The following NCAPH2 variants were observed in gnomAD, a reference collection of about 807,000 sequenced individuals.
The protein encoded by NCAPH2 is condensin-2 complex subunit H2.
Under a neutral mutation model 88.6 loss-of-function variants are expected in NCAPH2, and 56 were observed. The observed-to-expected ratio is 0.63, with a 90% CI of 0.51 to 0.79. NCAPH2 has a LOEUF of 0.79. NCAPH2 is among the 30% of genes least tolerant of loss of function. NCAPH2 has a pLI of 0.00. For missense variants in NCAPH2, 794 were observed against 792.0 expected, an observed-to-expected ratio of 1.00 and a Z score of -0.03; for synonymous variants, 378 against 313.6, an observed-to-expected ratio of 1.21 and a Z score of -2.17.
At chr22:50,519,372 G>T in intron 9 of NCAPH2, 52 bp downstream of exon 9, 1 of 1,602,914 alleles carries the variant, frequency 6.2e-7, no homozygotes, top group Non-Finnish European at 8.5e-7. Flanking sequence ...TGGCAACCCT[G>T]GCTCTGGGGC....
chr22:50,517,754 A>G lies in NCAPH2; in HGVS notation c.365A>G (p.Asp122Gly). 1.2e-6 allele frequency: 2 copies of G among 1,613,970 alleles called. No individual in the cohort carries two copies. Among genetic ancestry groups the G allele is most frequent in the Non-Finnish European group, 1.7e-6 (2 of 1,180,032 alleles). The part of the protein sequence containing the change: ...QEAENEFLSL[D>G]DFPDSRTNVD... ...GTCTCCCTCCAGTTCCTGTCGCTGGATGACTTCCCTGACTCCCGGACTAAC... is the reference window on the plus strand; with the variant it reads ...GTCTCCCTCCAGTTCCTGTCGCTGGGTGACTTCCCTGACTCCCGGACTAAC... The change falls in exon 5 of 20, where the codon GAT becomes GGT. Residue 122 changes from aspartate (D) to glycine (G), a missense_variant. Asp to Gly is a moderately conservative substitution (Grantham distance 94, BLOSUM62 -1). Around this residue, in one of 2 missense-constraint regions of NCAPH2, gnomAD observed 735 missense variants for 696.3 expected, o/e 1.06. Coordinates refer to ENST00000420993, the MANE Select transcript of NCAPH2 (RefSeq NM_152299.4).
Position 50,521,596 on chromosome 22 carries a change from G to C in NCAPH2, c.987G>C (p.Lys329Asn). The C allele has an allele frequency of 6.2e-7, 1 of 1,613,676 alleles. No individual in the cohort carries two copies. Among genetic ancestry groups the C allele is most frequent in the Non-Finnish European group, 8.5e-7 (1 of 1,180,008 alleles). Residue 329 changes from lysine (K) to asparagine (N), a missense_variant, in exon 11 of 20, where the codon AAG (lysine) becomes AAC (asparagine). Coordinates refer to ENST00000420993, the MANE Select transcript of NCAPH2 (RefSeq NM_152299.4). ...SLDPFDSLESKPFKKGRPYSV... is the reference protein window; with the variant it reads ...SLDPFDSLESNPFKKGRPYSV... The stretch of plus-strand genomic sequence containing the variant: ...ACCCCTTTGACTCCTTGGAGTCTAA[G>C]CCCTTCAAGAAAGGTAATTGGGTGG...
Position 50,523,567 on chromosome 22 carries a change from A to G in NCAPH2, c.*192A>G. 2 of 1,605,058 alleles carry G rather than the reference A, an allele frequency of 1.2e-6. No individual in the cohort carries two copies. Among genetic ancestry groups the G allele is most frequent in the Non-Finnish European group, 1.7e-6 (2 of 1,175,392 alleles). On this transcript the variant is annotated 3_prime_UTR_variant, in exon 20 of 20. Transcript: ENST00000420993. ...TGGTACAGATCACACACACACACAGATTAAACGCAGCCCGTTTAATGATGG... is the reference window on the plus strand; with the variant it reads ...TGGTACAGATCACACACACACACAGGTTAAACGCAGCCCGTTTAATGATGG...
Position 50,522,681 on chromosome 22 carries a change from G to A in NCAPH2, c.1386G>A (p.Pro462=), listed in dbSNP as rs752844446. ...PREAADLDAV[P]MSLSYEELVR... ...GCTACCCCTTCCCAGACGCAGTGCC[G>A]ATGTCCCTGAGCTACGAGGAGCTGG... The change falls in exon 17 of 20, where the codon CCG becomes CCA. Residue 462 remains proline (P), a synonymous_variant. Coordinates refer to ENST00000420993, the MANE Select transcript of NCAPH2 (RefSeq NM_152299.4). 14 of 1,613,626 alleles carry A rather than the reference G, an allele frequency of 8.7e-6. No homozygotes were observed. The highest frequency in any genetic ancestry group is 6.7e-5 in the East Asian group (3 of 44,878).
At position 50,518,182 on chromosome 22, in the gene NCAPH2, T is replaced by G. The variant is rs1315362675; in HGVS notation, c.550T>G (p.Cys184Gly). The G allele has an allele frequency of 5.6e-6, 9 of 1,613,934 alleles. No homozygotes were observed. The highest frequency in any genetic ancestry group is 7.6e-6 in the Non-Finnish European group (9 of 1,180,016). Residue 184 changes from cysteine (C) to glycine (G), a missense_variant, in exon 7 of 20, where the codon TGC (cysteine) becomes GGC (glycine). Cys to Gly is a radical substitution (Grantham distance 159). Transcript: ENST00000420993. ...CCGGAAGGATTTCAGGATGAACACG[T>G]GCGTTCCCCACCCCAGAGGGGCCTT... is the stretch of plus-strand genomic sequence containing the variant. ...ASRKDFRMNT[C>G]VPHPRGAFML...
chr22:50,523,381 G>A lies in NCAPH2; in HGVS notation c.*6G>A, dbSNP rs1019093529. ...CCTCCATGGCCCAGCCCTGAGTGGG[G>A]AGCACCGAGGCAGGGGTGGGGGAAT... is the stretch of plus-strand genomic sequence containing the variant. On this transcript the variant is annotated 3_prime_UTR_variant, in exon 20 of 20. Coordinates refer to ENST00000420993, the MANE Select transcript of NCAPH2 (RefSeq NM_152299.4). 2 of 1,539,886 alleles carry A rather than the reference G, an allele frequency of 1.3e-6. No individual in the cohort carries two copies. The highest frequency in any genetic ancestry group is 1.8e-6 in the Non-Finnish European group (2 of 1,141,722).
intron 1 of NCAPH2, among the ~76,000 whole-genome samples, chr22:50,513,859 G>A (rs77475245): frequency 0.015 from 2,252 of 152,246 alleles, 63 homozygotes; most frequent in African/African-American, 0.052. Context: ...GAGTTTGGGG[G>A]GCTTAGTTTG....
Position 50,512,438 on chromosome 22 carries a change from C to T in NCAPH2, c.108+3993C>T, listed in dbSNP as rs564646420. ...GCTTTCTTATGTCTGCTCTTCCAAA[C>T]CTCTGCAGCTTGAAGTCCTGATTTC... is the stretch of plus-strand genomic sequence containing the variant. On this transcript the variant is annotated intron_variant, in intron 1 of 19. Transcript: ENST00000420993. Among the ~76,000 whole-genome samples the T allele has an allele frequency of 1.4e-4, 22 of 152,322 alleles. No homozygotes were observed. In the South Asian group the frequency reaches 2.3e-3, roughly 16 times the overall value.
In NCAPH2 at chr22:50,512,543, GT is replaced by G. The variant is rs139798817; in HGVS notation, c.109-3891del. 9.2e-3 allele frequency among the ~76,000 whole-genome samples: 1,221 copies of G among 132,952 alleles called. 2 individuals are homozygous for G. Among genetic ancestry groups the G allele is most frequent in the African/African-American group, 0.011 (398 of 36,804 alleles). The allele number at this position is 132,952 out of a possible 152,430, so 87.2% of individuals were successfully genotyped here. ...GTTCTTTTTCTTTTTTTTGTCCTTT[GT>G]TTTTTTTTTTTTGTTTTTTTTTTTT... On this transcript the variant is annotated intron_variant, in intron 1 of 19. Coordinates refer to ENST00000420993, the MANE Select transcript of NCAPH2 (RefSeq NM_152299.4).
In NCAPH2 at chr22:50,523,318, C is replaced by T. The variant is rs1216536521; in HGVS notation, c.1761C>T (p.His587=). The T allele has an allele frequency of 1.3e-6, 2 of 1,585,500 alleles. No individual in the cohort carries two copies. The highest frequency in any genetic ancestry group is 1.7e-6 in the Non-Finnish European group (2 of 1,165,994). Residue 587 remains histidine (H), a synonymous_variant, in exon 20 of 20, where the codon CAC becomes CAT. Coordinates refer to ENST00000420993, the MANE Select transcript of NCAPH2 (RefSeq NM_152299.4). ...VDTMSLRLLT[H]QRAHKRFQTY... is the part of the protein sequence containing the mutation. ...CCATGTCCCTGAGACTGCTCACGCA[C>T]CAGCGAGCGCACAAGCGCTTCCAGA...
Position 50,524,463 on chromosome 22 carries a change from G to T in NCAPH2, c.*1088G>T, listed in dbSNP as rs537058752. The T allele has an allele frequency of 1.9e-6, 3 of 1,584,290 alleles. No homozygotes were observed. The African/African-American group carries it at 4.0e-5, about 21-fold the overall frequency. On this transcript the variant is annotated 3_prime_UTR_variant, in exon 20 of 20. Coordinates refer to ENST00000420993, the MANE Select transcript of NCAPH2 (RefSeq NM_152299.4). ...CAGGCGTCAGGAGCCAGAAGGGAAG[G>T]CCCAGGACAGTGCCTGGGCTGCCCC...
Position 50,522,544 on chromosome 22 carries a change from A to T in NCAPH2, c.1350A>T (p.Ala450=). The change falls in exon 16 of 20, where the codon GCA becomes GCT. Residue 450 remains alanine (A), a synonymous_variant. Coordinates refer to ENST00000420993, the MANE Select transcript of NCAPH2 (RefSeq NM_152299.4). ...AGGAGTACATGGAGCCCGAGGGAGC[A>T]GACCCCAGGGAAGCCGCTGACCTTG... The part of the protein sequence containing the change: ...EPEEYMEPEG[A]DPREAADLDA... 4 of 1,613,756 alleles carry T rather than the reference A, an allele frequency of 2.5e-6. No homozygotes were observed. The highest frequency in any genetic ancestry group is 3.4e-6 in the Non-Finnish European group (4 of 1,179,980).
At position 50,517,607 on chromosome 22, in the gene NCAPH2, G is replaced by T. The variant is rs768262618; in HGVS notation, c.297G>T (p.Glu99Asp). 1 of 1,614,148 alleles carries T rather than the reference G, an allele frequency of 6.2e-7. No homozygotes were observed. The highest frequency in any genetic ancestry group is 1.1e-5 in the South Asian group (1 of 91,086). The change falls in exon 4 of 20, where the codon GAG becomes GAT. Residue 99 changes from glutamate (E) to aspartate (D), a missense_variant. Transcript: ENST00000420993. ...RRAKQLSSVQ[E>D]DRANGVASSG... ...CCAAGCAGCTCTCTTCGGTGCAGGA[G>T]GACAGGGCCAATGGGGTTGCCAGCT...
intron 1 of NCAPH2, among the ~76,000 whole-genome samples, chr22:50,511,821 T>C (rs1172141290): frequency 1.3e-5 from 2 of 150,610 alleles, no homozygotes; most frequent in Non-Finnish European, 3.0e-5. Flanking sequence ...AATTTTTTTG[T>C]ATTTTTCAGT....
At chr22:50,512,182 G>T (rs1409388267) in intron 1 of NCAPH2, among the ~76,000 whole-genome samples, 1 of 152,232 alleles carries the variant, frequency 6.6e-6, no homozygotes, top group African/African-American at 2.4e-5. Flanking sequence ...GCCCTCTTTT[G>T]TCTGCTTAGT....
Position 50,510,797 on chromosome 22 carries a change from C to T in NCAPH2, c.108+2352C>T, listed in dbSNP as rs149472397. ...GCTGACCACCCTATCTAAAATAGTC[C>T]TCTCCATCTCAGCACCTTACACACT... On this transcript the variant is annotated intron_variant, in intron 1 of 19. Coordinates refer to ENST00000420993, the MANE Select transcript of NCAPH2 (RefSeq NM_152299.4). Among the ~76,000 whole-genome samples the T allele has an allele frequency of 1.0e-3, 158 of 152,136 alleles. No homozygotes were observed. In the Middle Eastern group the frequency reaches 0.028, roughly 27 times the overall value.
chr22:50,517,536 T>G (rs1569520555), intron 3 of NCAPH2, 41 bp from the exon 4 acceptor site: 1 of 1,614,012 alleles, frequency 6.2e-7, no homozygotes, highest in East Asian at 2.2e-5. Flanking sequence ...GGGAGGCCCC[T>G]GCAGCTCCTG....
chr22:50,521,692 T>A, intron 11 of NCAPH2, 49 bp from the exon 12 acceptor site: 1 of 1,612,094 alleles, frequency 6.2e-7, no homozygotes, highest in Non-Finnish European at 8.5e-7. Flanking sequence ...GAGTGGGCTT[T>A]GCACCCTGAT....
Position 50,524,540 on chromosome 22 carries a change from T to G in NCAPH2, c.*1165T>G. 1.1e-6 allele frequency: 1 copy of G among 927,002 alleles called. No homozygotes were observed. Among genetic ancestry groups the G allele is most frequent in the East Asian group, 2.6e-5 (1 of 38,176 alleles). The allele number at this position is 927,002 out of a possible 1,614,324, so 57.4% of individuals were successfully genotyped here. A position where few individuals can be genotyped will look rare whatever the true frequency, so the allele number is the denominator to read the frequency against. On this transcript the variant is annotated 3_prime_UTR_variant, in exon 20 of 20. Transcript: ENST00000420993. The stretch of plus-strand genomic sequence containing the variant: ...GAAGGACCCAGCCCACGTTCAGGCT[T>G]AACAGGCATTTGCAGCTGCTCACCT...
Sources: allele counts gnomAD v4.1 joint callset (sites outside exome capture counted in the v4.1 genomes callset), GRCh38; gene constraint gnomAD v4.1.1; regional missense constraint gnomAD v4.1.1; transcripts MANE v1.5; gene names NCBI Gene and HGNC (gene_info 2026-07-23, HGNC 2026-07-21).